The following RGS17 variants were observed in gnomAD, a reference collection of about 807,000 sequenced individuals.
RGS17 encodes regulator of G-protein signaling 17.
RGS17 carries 12 observed loss-of-function variants against 25.5 expected under a neutral mutation model. The observed-to-expected ratio is 0.47, with a 90% CI of 0.30 to 0.76. RGS17 has a LOEUF of 0.76. RGS17 is among the 30% of genes least tolerant of loss of function. RGS17 has a pLI of 0.07. For synonymous variants in RGS17, 71 were observed against 76.9 expected (o/e 0.92, Z 0.40); for missense variants, 196 against 242.2 (o/e 0.81, Z 1.27).
intron 4 of RGS17, among the ~76,000 whole-genome samples, chr6:153,021,071 A>G (rs1382746396): frequency 6.6e-5 from 10 of 152,214 alleles, no homozygotes; most frequent in Admixed American, 5.9e-4. Flanking sequence ...TCATAGCCTT[A>G]CAGTTGCCAT....
At chr6:153,070,697 GTGTGTA>G (rs1251387350) in intron 1 of RGS17, among the ~76,000 whole-genome samples, 6 of 112,958 alleles carry the variant, frequency 5.3e-5, no homozygotes, top group Non-Finnish European at 1.0e-4. Context: ...GTGTGTGTGT[GTGTGTA>G]TATACATATA....
At chr6:153,053,623 A>G (rs541653339) in intron 1 of RGS17, among the ~76,000 whole-genome samples, 1 of 151,946 alleles carries the variant, frequency 6.6e-6, no homozygotes, top group Non-Finnish European at 1.5e-5. Flanking sequence ...CCATCTTTAC[A>G]GAAAATAAAA....
chr6:153,042,326 A>G (rs1396865494), intron 2 of RGS17, among the ~76,000 whole-genome samples: 1 of 152,170 alleles, frequency 6.6e-6, no homozygotes, highest in Non-Finnish European at 1.5e-5. Context: ...CATAATCCCC[A>G]TGTGTCATGG....
intron 1 of RGS17, among the ~76,000 whole-genome samples, chr6:153,054,100 A>ATATT: frequency 1.0e-5 from 1 of 95,340 alleles, no homozygotes; most frequent in African/African-American, 4.4e-5. Flanking sequence ...TTTTATATAT[A>ATATT]TATATATATA....
At chr6:153,020,107 A>T (rs866240246) in intron 4 of RGS17, among the ~76,000 whole-genome samples, 10,043 of 44,448 alleles carry the variant, frequency 0.23, 1,129 homozygotes, top group Non-Finnish European at 0.29. Context: ...TCTTAAAAAA[A>T]AAAAATATAT....
intron 1 of RGS17, among the ~76,000 whole-genome samples, chr6:153,109,659 A>AC (rs35445951): frequency 0.48 from 73,505 of 152,146 alleles, 18,516 homozygotes; most frequent in East Asian, 0.85. Context: ...TTAGAAAAAA[A>AC]CAATTTGTAA....
chr6:153,043,760 G>T, intron 2 of RGS17, 140 bp downstream of exon 2: 1 of 570,206 alleles, frequency 1.8e-6, no homozygotes, highest in Non-Finnish European at 3.1e-6. Context: ...ACCAATGATA[G>T]TCTTCAATAA....
intron 1 of RGS17, among the ~76,000 whole-genome samples, chr6:153,083,525 G>A (rs1384678777): frequency 6.6e-6 from 1 of 152,138 alleles, no homozygotes; most frequent in Non-Finnish European, 1.5e-5. Flanking sequence ...CTGGCAGAGT[G>A]GTAAGTCTGT....
intron 1 of RGS17, among the ~76,000 whole-genome samples, chr6:153,109,731 G>GA (rs752455369): frequency 6.6e-6 from 1 of 152,154 alleles, no homozygotes; most frequent in Non-Finnish European, 1.5e-5. Flanking sequence ...AAGGAGATGA[G>GA]GAAAAAAAGG....
At chr6:153,084,739 G>C (rs1315851130) in intron 1 of RGS17, among the ~76,000 whole-genome samples, 1 of 152,206 alleles carries the variant, frequency 6.6e-6, no homozygotes, top group Non-Finnish European at 1.5e-5. Context: ...TGTAAGCACT[G>C]TCCAGCGAAT....
In RGS17 at chr6:153,053,979, AT is replaced by A. The variant is rs1213880360; in HGVS notation, c.-25-9937del. 5.2e-4 allele frequency among the ~76,000 whole-genome samples: 20 copies of A among 38,124 alleles called. 3 individuals are homozygous for A. The highest frequency in any genetic ancestry group is 9.0e-4 in the Non-Finnish European group (20 of 22,340). The allele number at this position is 38,124 out of a possible 152,430, so 25.0% of individuals were successfully genotyped here. ...ATATATATTATATACATATATATGT[AT>A]ATATGTATATAATATATATACATAT... On this transcript the variant is annotated intron_variant, in intron 1 of 4. Coordinates refer to ENST00000206262, the MANE Select transcript of RGS17 (RefSeq NM_012419.5).
At chr6:153,090,398 G>T (rs1777110521) in intron 1 of RGS17, among the ~76,000 whole-genome samples, 1 of 150,816 alleles carries the variant, frequency 6.6e-6, no homozygotes, top group African/African-American at 2.4e-5. Flanking sequence ...GGATCTGCTG[G>T]GCCCAGGAGT....
chr6:153,015,012 G>A (rs907580113), intron 4 of RGS17, among the ~76,000 whole-genome samples: 2 of 152,146 alleles, frequency 1.3e-5, no homozygotes, highest in Non-Finnish European at 2.9e-5. Flanking sequence ...ATTTTGAGGA[G>A]TTCAAGACTT....
chr6:153,061,079 T>C (rs552727069), intron 1 of RGS17, among the ~76,000 whole-genome samples: 31 of 152,308 alleles, frequency 2.0e-4, no homozygotes, highest in African/African-American at 7.5e-4. Context: ...AGTCATTCAA[T>C]TGCTTAGAAA....
At chr6:153,029,258 A>G (rs2129107587) in intron 2 of RGS17, among the ~76,000 whole-genome samples, 1 of 152,338 alleles carries the variant, frequency 6.6e-6, no homozygotes, top group South Asian at 2.1e-4. Flanking sequence ...TGTCCTTTTT[A>G]TTAACTGTCC....
intron 1 of RGS17, among the ~76,000 whole-genome samples, chr6:153,091,525 T>TACACAGGCTCTGTCACACAGGCTCTGTC: frequency 6.6e-6 from 1 of 151,150 alleles, no homozygotes; most frequent in South Asian, 2.1e-4. Flanking sequence ...CAGGCTGGAG[T>TACACAGGCTCTGTCACACAGGCTCTGTC]ACACAGGCTC....
intron 1 of RGS17, among the ~76,000 whole-genome samples, chr6:153,054,056 TAATATATATAC>T (rs1562321568): frequency 0.022 from 1,600 of 72,658 alleles, 185 homozygotes; most frequent in East Asian, 0.04. Context: ...TATATGTATA[TAATATATATAC>T]ATATATATAT....
intron 1 of RGS17, among the ~76,000 whole-genome samples, chr6:153,091,936 A>C (rs772077962): frequency 6.6e-6 from 1 of 152,250 alleles, no homozygotes; most frequent in Non-Finnish European, 1.5e-5. Context: ...ATTTGACCAG[A>C]CACATCTTTA....
intron 1 of RGS17, among the ~76,000 whole-genome samples, chr6:153,109,943 A>G (rs1278472147): frequency 6.6e-6 from 1 of 152,292 alleles, no homozygotes; most frequent in Non-Finnish European, 1.5e-5. Flanking sequence ...CCTAAAAAAC[A>G]TACAAATAGA....
Sources: gnomAD v4.1 joint callset for allele counts (sites outside exome capture counted in the v4.1 genomes callset) on GRCh38, gnomAD v4.1.1 for gene constraint, MANE v1.5 for transcripts, NCBI Gene and HGNC (gene_info 2026-07-23, HGNC 2026-07-21) for gene names.